The following MDGA2 variants were observed in gnomAD, a reference collection of about 807,000 sequenced individuals.
The protein encoded by MDGA2 is MAM domain containing glycosylphosphatidylinositol anchor 2, also known as MAM domain-containing glycosylphosphatidylinositol anchor protein 2.
MDGA2 carries 40 observed loss-of-function variants against 117.8 expected under a neutral mutation model. The ratio of observed to expected loss-of-function variants is 0.34; its 90% CI spans 0.26 to 0.44. The LOEUF (loss-of-function observed/expected upper bound fraction) is 0.44. Ranked by LOEUF, MDGA2 falls within the 20% of genes least tolerant of loss-of-function variation. The pLI is 1.00. For missense variants in MDGA2, 1,123 were observed against 1,250.6 expected, an observed-to-expected ratio of 0.90 and a Z score of 1.54; for synonymous variants, 452 against 439.0, an observed-to-expected ratio of 1.03 and a Z score of -0.37.
intron 10 of MDGA2, among the ~76,000 whole-genome samples, chr14:46,912,648 T>A (rs1218946795): frequency 6.6e-6 from 1 of 152,174 alleles, no homozygotes; most frequent in Admixed American, 6.6e-5. Flanking sequence ...CCTCCACGTT[T>A]CTAATTAATT....
rs376337092 is a variant in MDGA2 at position 47,207,063 on chromosome 14, G to T, written c.595+10958C>A. On this transcript the variant is annotated intron_variant, in intron 3 of 16. Transcript: ENST00000399232. ...GTGCCCTTGAGTAATTAAGCAACAC[G>T]TGTTTCTCATACCCTAAGTTTGTCA... Among the ~76,000 whole-genome samples the T allele has an allele frequency of 2.6e-5, 4 of 151,994 alleles. 1 individual carries two copies. The highest frequency in any genetic ancestry group is 5.9e-5 in the Non-Finnish European group (4 of 67,934).
At chr14:47,327,229 CCT>C (rs1397278425) in intron 1 of MDGA2, among the ~76,000 whole-genome samples, 4 of 152,156 alleles carry the variant, frequency 2.6e-5, no homozygotes, top group Non-Finnish European at 4.4e-5. Flanking sequence ...ATCTCTTCCC[CCT>C]TTGTTCCATT....
rs1265890443 is a variant in MDGA2, at chr14:47,035,201, G to A, written c.1629C>T (p.Ile543=). ...CTTTATCCGCTCTAGACCAAAGGAT[G>A]ATTGGTTTAGGTTTGCCAGTTACTT... ...QCQVTGKPKP[I]ILWSRADKEV... The change falls in exon 8 of 17, where the codon ATC becomes ATT. Residue 543 remains isoleucine, a synonymous_variant. Transcript: ENST00000399232. 1 of 1,614,110 alleles carries A rather than the reference G, an allele frequency of 6.2e-7. No individual in the cohort carries two copies. The highest frequency in any genetic ancestry group is 8.5e-7 in the Non-Finnish European group (1 of 1,179,994).
At chr14:47,624,799 C>T (rs1897111628) in intron 1 of MDGA2, among the ~76,000 whole-genome samples, 1 of 152,094 alleles carries the variant, frequency 6.6e-6, no homozygotes. Flanking sequence ...AAATGCTTCT[C>T]AGATAAAAAC....
intron 1 of MDGA2, among the ~76,000 whole-genome samples, chr14:47,346,364 A>G (rs180917029): frequency 6.6e-6 from 1 of 152,312 alleles, no homozygotes; most frequent in Non-Finnish European, 1.5e-5. Flanking sequence ...TCTGCTAGGC[A>G]TCATATAATC....
intron 2 of MDGA2, among the ~76,000 whole-genome samples, chr14:47,299,874 T>C (rs1176327458): frequency 2.0e-5 from 3 of 152,210 alleles, no homozygotes; most frequent in African/African-American, 7.2e-5. Context: ...ATAGCAAATG[T>C]TATACTTTGA....
intron 8 of MDGA2, among the ~76,000 whole-genome samples, chr14:46,959,678 T>A (rs949658561): frequency 1.6e-4 from 24 of 152,188 alleles, no homozygotes; most frequent in African/African-American, 5.5e-4. Flanking sequence ...TATTGCCTTC[T>A]TTTAGATGGA....
intron 1 of MDGA2, among the ~76,000 whole-genome samples, chr14:47,390,883 C>T (rs1361940141): frequency 6.6e-6 from 1 of 152,050 alleles, no homozygotes; most frequent in Non-Finnish European, 1.5e-5. Flanking sequence ...ATATCCTTGG[C>T]TGAATTCTTT....
chr14:46,845,939 TCAAGG>T, intron 15 of MDGA2, 68 bp from the exon 16 acceptor site: 4 of 1,168,990 alleles, frequency 3.4e-6, no homozygotes, highest in Non-Finnish European at 5.1e-6. Flanking sequence ...TCTTGAGAAA[TCAAGG>T]TGACAAAAAT....
intron 1 of MDGA2, among the ~76,000 whole-genome samples, chr14:47,379,660 G>A (rs180893446): frequency 3.3e-5 from 5 of 152,204 alleles, no homozygotes; most frequent in African/African-American, 9.6e-5. Context: ...TCAATTCAAC[G>A]AGAAGAGCTA....
At chr14:47,157,384 T>A (rs562205561) in intron 3 of MDGA2, among the ~76,000 whole-genome samples, 71 of 152,308 alleles carry the variant, frequency 4.7e-4, no homozygotes, top group African/African-American at 1.6e-3. Flanking sequence ...ATAAGTTTTT[T>A]AAAATATATG....
chr14:47,249,419 T>G (rs1218867800), intron 2 of MDGA2, among the ~76,000 whole-genome samples: 1 of 152,104 alleles, frequency 6.6e-6, no homozygotes, highest in East Asian at 1.9e-4. Flanking sequence ...CCACTGGCAC[T>G]CAAGCAATCC....
rs1005496889 is a variant in MDGA2, at chr14:46,884,681, C to T, written c.2239-2460G>A. On this transcript the variant is annotated intron_variant, in intron 10 of 16. Transcript: ENST00000399232. This position sits in a 1 kb window ranked among gnomAD's most constrained non-coding sequence, Gnocchi z 4.1. ...AGAAGAGAGAAAAATATATACCATTCAATTGGTTATGCATATGGAAAAAAA... is the reference window on the plus strand; with the variant it reads ...AGAAGAGAGAAAAATATATACCATTTAATTGGTTATGCATATGGAAAAAAA... Among the ~76,000 whole-genome samples the T allele has an allele frequency of 1.1e-4, 17 of 151,960 alleles. No individual in the cohort carries two copies. Among genetic ancestry groups the T allele is most frequent in the African/African-American group, 4.1e-4 (17 of 41,406 alleles).
intron 1 of MDGA2, among the ~76,000 whole-genome samples, chr14:47,555,186 C>G (rs1016629722): frequency 3.9e-5 from 6 of 152,118 alleles, no homozygotes; most frequent in African/African-American, 1.4e-4. Context: ...AAATATCTCT[C>G]CAATATTTTT....
intron 7 of MDGA2, chr14:47,058,834 G>A: frequency 3.0e-6 from 3 of 985,654 alleles, no homozygotes; most frequent in Non-Finnish European, 3.6e-6. Flanking sequence ...AAATCTCCTA[G>A]GCCATCTAGC....
chr14:47,078,503 T>C (rs962290300), intron 6 of MDGA2, among the ~76,000 whole-genome samples: 2 of 152,082 alleles, frequency 1.3e-5, no homozygotes, highest in Non-Finnish European at 2.9e-5. Flanking sequence ...AAAGAAAATA[T>C]CCATATCAAA....
At chr14:47,635,399 C>T (rs923897352) in intron 1 of MDGA2, among the ~76,000 whole-genome samples, 2 of 152,038 alleles carry the variant, frequency 1.3e-5, no homozygotes, top group African/African-American at 4.8e-5. Flanking sequence ...TTATTCTCTC[C>T]TAATTTTTAT....
intron 7 of MDGA2, among the ~76,000 whole-genome samples, chr14:47,040,826 T>C (rs970416993): frequency 3.3e-5 from 5 of 152,210 alleles, no homozygotes; most frequent in African/African-American, 1.2e-4. Context: ...TCTATGTTTA[T>C]ATCCCTGACC....
intron 14 of MDGA2, among the ~76,000 whole-genome samples, chr14:46,864,652 A>G (rs1346289321): frequency 6.9e-6 from 1 of 145,186 alleles, no homozygotes; most frequent in Non-Finnish European, 1.5e-5. Context: ...TCTTCCATCT[A>G]TAGCATTATT....
Sources: gnomAD v4.1 joint callset for allele counts (sites outside exome capture counted in the v4.1 genomes callset) on GRCh38, gnomAD v4.1.1 for gene constraint, Gnocchi (gnomAD v3.1) non-coding constraint, MANE v1.5 for transcripts, NCBI Gene and HGNC (gene_info 2026-07-23, HGNC 2026-07-21) for gene names.